SPON1: variants seen among roughly 807,000 people sequenced by gnomAD.
SPON1 encodes the protein spondin 1, also known as spondin-1.
In SPON1, 52 loss-of-function variants were observed where a neutral mutation model predicts 111.7. That is an observed-to-expected ratio of 0.47 (90% CI 0.37 to 0.59). SPON1 has a LOEUF of 0.59. SPON1 is among the 20% of genes least tolerant of loss of function. The probability of loss-of-function intolerance (pLI) is 0.00; values close to 1 mark genes in which losing one functional copy is unlikely to be tolerated. For synonymous variants in SPON1, 410 were observed against 395.8 expected (o/e 1.04, Z -0.43); for missense variants, 957 against 1,068.5 (o/e 0.90, Z 1.46).
At chr11:14,077,149 G>C (rs1848924214) in intron 4 of SPON1, among the ~76,000 whole-genome samples, 1 of 152,152 alleles carries the variant, frequency 6.6e-6, no homozygotes, top group Non-Finnish European at 1.5e-5. Flanking sequence ...ACTTTGGGAA[G>C]TGCACATTAG....
chr11:14,081,118 C>T (rs1318613401), intron 5 of SPON1, among the ~76,000 whole-genome samples: 3 of 152,032 alleles, frequency 2.0e-5, no homozygotes, highest in African/African-American at 4.8e-5. Flanking sequence ...ACATTGTTAT[C>T]AAGATAGCCA....
intron 1 of SPON1, among the ~76,000 whole-genome samples, chr11:13,968,175 T>TG (rs1216879091): frequency 3.3e-5 from 5 of 152,158 alleles, no homozygotes; most frequent in Non-Finnish European, 5.9e-5. Context: ...TGTTGTGAGG[T>TG]GGGGGGACTC....
intron 2 of SPON1, among the ~76,000 whole-genome samples, chr11:14,017,572 A>T (rs1554914427): frequency 6.6e-6 from 1 of 152,174 alleles, no homozygotes; most frequent in Non-Finnish European, 1.5e-5. Context: ...CTTGTGATGG[A>T]GACAGAACTG....
At chr11:14,132,120 T>C (rs1305870104) in intron 5 of SPON1, among the ~76,000 whole-genome samples, 1 of 151,912 alleles carries the variant, frequency 6.6e-6, no homozygotes, top group African/African-American at 2.4e-5. Flanking sequence ...CTACTAACAA[T>C]ACAAAAAATT....
At chr11:13,998,329 G>C (rs1309525367) in intron 2 of SPON1, among the ~76,000 whole-genome samples, 1 of 152,214 alleles carries the variant, frequency 6.6e-6, no homozygotes, top group African/African-American at 2.4e-5. Context: ...ATGTATGGGA[G>C]AGACAAGACA....
At chr11:14,080,956 C>G (rs1343132894) in intron 5 of SPON1, among the ~76,000 whole-genome samples, 3 of 152,066 alleles carry the variant, frequency 2.0e-5, no homozygotes, top group Middle Eastern at 3.2e-3. Flanking sequence ...GTCCTGTAGT[C>G]TTGCCTGTAG....
At chr11:14,097,203 A>T (rs1439756098) in intron 5 of SPON1, among the ~76,000 whole-genome samples, 3 of 152,192 alleles carry the variant, frequency 2.0e-5, no homozygotes, top group Non-Finnish European at 4.4e-5. Flanking sequence ...TACTCAAAGG[A>T]ACAACGTTAT....
At chr11:13,999,833 A>G (rs1282087520) in intron 2 of SPON1, among the ~76,000 whole-genome samples, 1 of 152,162 alleles carries the variant, frequency 6.6e-6, no homozygotes, top group Non-Finnish European at 1.5e-5. Flanking sequence ...CTTGGACACA[A>G]ACTTTCTCTC....
Position 14,222,463 on chromosome 11 carries a change from C to T in SPON1, c.826-20869C>T, listed in dbSNP as rs148558118. ...TTTAAAACTATAGATTTCTGTGCCC[C>T]ACCCAGAGATCCCAATTCAGTAGCG... On this transcript the variant is annotated intron_variant, in intron 6 of 15. Coordinates refer to ENST00000576479, the MANE Select transcript of SPON1 (RefSeq NM_006108.4). Among the ~76,000 whole-genome samples the T allele has an allele frequency of 5.2e-4, 79 of 152,312 alleles. 1 individual carries two copies. In the East Asian group the frequency reaches 0.015, roughly 28 times the overall value.
intron 3 of SPON1, among the ~76,000 whole-genome samples, chr11:14,052,351 C>T (rs567099789): frequency 6.6e-5 from 10 of 152,308 alleles, no homozygotes; most frequent in South Asian, 2.1e-4. Flanking sequence ...GCAATGACTC[C>T]GTGTGTGATT....
At position 14,064,968 on chromosome 11, in the gene SPON1, C is replaced by T. The variant is rs577862490; in HGVS notation, c.480-10377C>T. Among the ~76,000 whole-genome samples, 5 of 152,258 alleles carry T rather than the reference C, an allele frequency of 3.3e-5. No homozygotes were observed. In the South Asian group the frequency reaches 1.0e-3, roughly 32 times the overall value. The stretch of plus-strand genomic sequence containing the variant: ...ATCTCTCCCCAAAGCAATGCACATG[C>T]TTACAATTTTGCATATACTTTCCAT... On this transcript the variant is annotated intron_variant, in intron 3 of 15. Coordinates refer to ENST00000576479, the MANE Select transcript of SPON1 (RefSeq NM_006108.4).
intron 5 of SPON1, among the ~76,000 whole-genome samples, chr11:14,132,824 A>G (rs1416662616): frequency 6.6e-6 from 1 of 152,230 alleles, no homozygotes; most frequent in African/African-American, 2.4e-5. Context: ...CCTACCAACC[A>G]TGAAAGGAAG....
intron 5 of SPON1, among the ~76,000 whole-genome samples, chr11:14,110,986 A>G (rs1564907570): frequency 2.0e-5 from 3 of 152,262 alleles, no homozygotes; most frequent in African/African-American, 7.2e-5. Context: ...ATAGACAACT[A>G]GAAGTATCAA....
chr11:14,076,898 G>A (rs1266894169), intron 4 of SPON1, among the ~76,000 whole-genome samples: 1 of 152,216 alleles, frequency 6.6e-6, no homozygotes, highest in East Asian at 1.9e-4. Context: ...CACCACACGT[G>A]TCTTCTGAGG....
chr11:13,981,793 T>C (rs1453314004), intron 1 of SPON1, among the ~76,000 whole-genome samples: 2 of 152,212 alleles, frequency 1.3e-5, no homozygotes, highest in African/African-American at 2.4e-5. Flanking sequence ...TGATTTTCCG[T>C]GGGGTTGTTT....
chr11:14,107,055 T>C (rs1564906693), intron 5 of SPON1, among the ~76,000 whole-genome samples: 1 of 152,192 alleles, frequency 6.6e-6, no homozygotes, highest in East Asian at 1.9e-4. Context: ...GAGCAAAATG[T>C]ACCAGGTTTT....
At chr11:14,149,308 T>C (rs1437862864) in intron 6 of SPON1, among the ~76,000 whole-genome samples, 2 of 151,914 alleles carry the variant, frequency 1.3e-5, no homozygotes, top group Non-Finnish European at 2.9e-5. Flanking sequence ...AACAAAAAAG[T>C]TTAAAAAGTT....
intron 2 of SPON1, among the ~76,000 whole-genome samples, chr11:14,011,334 A>G (rs1848402858): frequency 6.6e-6 from 1 of 152,190 alleles, no homozygotes; most frequent in Non-Finnish European, 1.5e-5. Context: ...TCAGGTAACC[A>G]TATAACAAGG....
intron 6 of SPON1, among the ~76,000 whole-genome samples, chr11:14,170,121 C>A (rs1277997949): frequency 6.6e-6 from 1 of 152,088 alleles, no homozygotes; most frequent in Non-Finnish European, 1.5e-5. Context: ...TTCTTCCTAC[C>A]CATGAGCATG....
Sources: allele counts gnomAD v4.1 joint callset (sites outside exome capture counted in the v4.1 genomes callset), GRCh38; gene constraint gnomAD v4.1.1; transcripts MANE v1.5; gene names NCBI Gene and HGNC (gene_info 2026-07-23, HGNC 2026-07-21).